The following C5orf46 variants were observed in gnomAD, a reference collection of about 807,000 sequenced individuals.
C5orf46 encodes the protein chromosome 5 open reading frame 46.
C5orf46 carries 9 observed loss-of-function variants against 8.9 expected under a neutral mutation model. The observed-to-expected ratio is 1.01, with a 90% CI of 0.61 to 1.76. The LOEUF (loss-of-function observed/expected upper bound fraction) is 1.76, where lower values mean the gene tolerates loss of function less well. C5orf46 is among the 40% of genes most tolerant of loss of function. The pLI is 0.00. For missense variants in C5orf46, 98 were observed against 107.8 expected (o/e 0.91, Z 0.40); for synonymous variants, 47 against 41.4 (o/e 1.14, Z -0.52).
intron 3 of C5orf46, among the ~76,000 whole-genome samples, chr5:147,893,576 CTTG>C (rs997847567): frequency 2.0e-5 from 3 of 151,016 alleles, no homozygotes; most frequent in African/African-American, 7.3e-5. Flanking sequence ...CAGTTTCGCT[CTTG>C]TTGCCCTGGC....
chr5:147,895,580 C>A (rs1310546385), intron 3 of C5orf46, among the ~76,000 whole-genome samples: 1 of 151,822 alleles, frequency 6.6e-6, no homozygotes, highest in African/African-American at 2.4e-5. Context: ...GTCTTCTGTT[C>A]TTTCTGCTCC....
intron 3 of C5orf46, among the ~76,000 whole-genome samples, chr5:147,895,734 G>A (rs966626539): frequency 3.3e-5 from 5 of 152,200 alleles, no homozygotes; most frequent in Non-Finnish European, 7.3e-5. Flanking sequence ...TGCAAGAAGA[G>A]GCAGGCTGTT....
chr5:147,898,758 G>A (rs568891850), intron 2 of C5orf46, among the ~76,000 whole-genome samples: 1 of 152,076 alleles, frequency 6.6e-6, no homozygotes, highest in Non-Finnish European at 1.5e-5. Flanking sequence ...GGAACCCAGA[G>A]GGGAAAATAT....
chr5:147,889,722 A>G (rs1035049428), downstream of C5orf46, among the ~76,000 whole-genome samples: 6 of 152,184 alleles, frequency 3.9e-5, no homozygotes, highest in Non-Finnish European at 8.8e-5. Context: ...TCAGTCACAC[A>G]GACTTTTGTT....
chr5:147,903,454 A>G (rs995613787), intron 1 of C5orf46, among the ~76,000 whole-genome samples: 24 of 152,194 alleles, frequency 1.6e-4, no homozygotes, highest in African/African-American at 5.3e-4. Flanking sequence ...AGAAGTCCCA[A>G]CTTCTAGACA....
chr5:147,902,250 G>C (rs1353288892), intron 1 of C5orf46, among the ~76,000 whole-genome samples: 2 of 152,130 alleles, frequency 1.3e-5, no homozygotes, highest in East Asian at 3.9e-4. Flanking sequence ...CCAGAAGTTT[G>C]AGACCAGCCT....
intron 2 of C5orf46, among the ~76,000 whole-genome samples, chr5:147,898,656 A>G (rs1049357872): frequency 2.0e-5 from 3 of 152,138 alleles, no homozygotes; most frequent in African/African-American, 7.2e-5. Context: ...AGGAACAATG[A>G]CATTTGGAGG....
intron 2 of C5orf46, among the ~76,000 whole-genome samples, chr5:147,897,877 G>A (rs966414245): frequency 2.0e-5 from 3 of 152,006 alleles, no homozygotes; most frequent in Admixed American, 2.0e-4. Context: ...AGATATTGGG[G>A]GTTTATACAA....
intron 1 of C5orf46, among the ~76,000 whole-genome samples, chr5:147,905,131 A>T (rs1049266953): frequency 6.6e-6 from 1 of 152,136 alleles, no homozygotes; most frequent in African/African-American, 2.4e-5. Flanking sequence ...CAATAGTTTA[A>T]TATTTTCTTT....
At chr5:147,896,534 A>G (rs528937591) in intron 3 of C5orf46, among the ~76,000 whole-genome samples, 1 of 152,296 alleles carries the variant, frequency 6.6e-6, no homozygotes, top group African/African-American at 2.4e-5. Flanking sequence ...TGAGCACTCA[A>G]ACTATATTGT....
chr5:147,897,149 T>C (rs1181652263), intron 2 of C5orf46, 108 bp from the exon 3 acceptor site: 1 of 471,722 alleles, frequency 2.1e-6, no homozygotes, highest in African/African-American at 2.0e-5. Flanking sequence ...CTTCTCTAGA[T>C]TTTTCTATGT....
rs554351490 is a variant in C5orf46 at position 147,906,007 on chromosome 5, T to C, written c.70+425A>G. On this transcript the variant is annotated intron_variant, in intron 1 of 3. Coordinates refer to ENST00000318315, the MANE Select transcript of C5orf46 (RefSeq NM_206966.3). ...CGAGAAAGTTAAATGTCCCCATTTA[T>C]ATGTGAGGCCTAGAGAGATTGAATA... is the stretch of plus-strand genomic sequence containing the variant. Among the ~76,000 whole-genome samples the C allele has an allele frequency of 4.3e-4, 65 of 152,334 alleles. No individual in the cohort carries two copies. In the South Asian group the frequency reaches 0.013, roughly 30 times the overall value.
rs569696363 is a variant in C5orf46, at chr5:147,894,304, GT to G, written c.*10-1366del. On this transcript the variant is annotated intron_variant, in intron 3 of 3. Transcript: ENST00000318315. The stretch of plus-strand genomic sequence containing the variant: ...AAAAAAGATGACTTGAATTCATATG[GT>G]TTTAAACAATGCAGGACAAATGGAG... Among the ~76,000 whole-genome samples the G allele has an allele frequency of 1.1e-3, 172 of 152,170 alleles. 1 individual carries two copies. The Middle Eastern group carries it at 0.027, about 24-fold the overall frequency.
chr5:147,904,102 A>T (rs1216322945), intron 1 of C5orf46, among the ~76,000 whole-genome samples: 2 of 151,534 alleles, frequency 1.3e-5, no homozygotes, highest in Non-Finnish European at 2.9e-5. Context: ...AAAAAAAAAA[A>T]GACAACTGTA....
intron 2 of C5orf46, 153 bp downstream of exon 2, chr5:147,901,476 A>G (rs878881721): frequency 1.5e-6 from 1 of 651,424 alleles, no homozygotes. Context: ...GATGCAAAAT[A>G]TATTTTAAGT....
chr5:147,901,999 T>TA (rs1757679401), intron 1 of C5orf46, among the ~76,000 whole-genome samples: 1 of 152,188 alleles, frequency 6.6e-6, no homozygotes, highest in Non-Finnish European at 1.5e-5. Context: ...GATACTTAGG[T>TA]AGACACTGGC....
chr5:147,891,403 T>A (rs1289128420), downstream of C5orf46, among the ~76,000 whole-genome samples: 8 of 152,084 alleles, frequency 5.3e-5, no homozygotes, highest in Admixed American at 5.2e-4. Flanking sequence ...GAAACACACA[T>A]TGTAAAGCAG....
At chr5:147,898,053 G>A (rs1346997081) in intron 2 of C5orf46, among the ~76,000 whole-genome samples, 1 of 152,110 alleles carries the variant, frequency 6.6e-6, no homozygotes, top group Non-Finnish European at 1.5e-5. Context: ...AAACTTTCAA[G>A]CATGGCAGTG....
At chr5:147,897,713 A>G (rs897245705) in intron 2 of C5orf46, among the ~76,000 whole-genome samples, 1 of 152,204 alleles carries the variant, frequency 6.6e-6, no homozygotes, top group Non-Finnish European at 1.5e-5. Flanking sequence ...CTGAATATGA[A>G]AAACTGAAAT....
Sources: allele counts gnomAD v4.1 joint callset (sites outside exome capture counted in the v4.1 genomes callset), GRCh38; gene constraint gnomAD v4.1.1; transcripts MANE v1.5; gene names NCBI Gene and HGNC (gene_info 2026-07-23, HGNC 2026-07-21).